AK5: variants seen among roughly 807,000 people sequenced by gnomAD.
AK5 encodes adenylate kinase 5.
In AK5, 27 loss-of-function variants were observed where a neutral mutation model predicts 69.5. The ratio of observed to expected loss-of-function variants is 0.39; its 90% CI spans 0.29 to 0.54. AK5 has a LOEUF of 0.54. Among genes scored for constraint, AK5 ranks in the 20% least tolerant of loss-of-function variants. The probability of loss-of-function intolerance (pLI) is 0.71; values close to 1 mark genes in which losing one functional copy is unlikely to be tolerated. For missense variants in AK5, 531 were observed against 700.4 expected (o/e 0.76, Z 2.73); for synonymous variants, 260 against 244.4 (o/e 1.06, Z -0.60).
chr1:77,486,314 T>A lies in AK5; in HGVS notation c.1109T>A (p.Met370Lys). 2.5e-6 allele frequency: 4 copies of A among 1,577,102 alleles called. No homozygotes were observed. Among genetic ancestry groups the A allele is most frequent in the Non-Finnish European group, 3.5e-6 (4 of 1,149,030 alleles). ...AGTTATTCTTATTTTAAAGGTTTCA[T>A]GGAAGATTTGAGAAAGTGTAAAATT... ...VFGEDTMGGFMEDLRKCKIIF... is the reference protein window; with the variant it reads ...VFGEDTMGGFKEDLRKCKIIF... Residue 370 changes from methionine to lysine, a missense_variant, in exon 10 of 14, where the codon ATG becomes AAG. By Grantham distance (95) the Met-to-Lys change is moderately conservative. Coordinates refer to ENST00000354567, the MANE Select transcript of AK5 (RefSeq NM_174858.3).
At chr1:77,502,407 C>T (rs1237929075) in intron 10 of AK5, among the ~76,000 whole-genome samples, 2 of 152,166 alleles carry the variant, frequency 1.3e-5, no homozygotes, top group African/African-American at 2.4e-5. Context: ...TTGCATTCAC[C>T]AGTTCCACTA....
At chr1:77,557,815 G>A (rs1182872732) in intron 13 of AK5, among the ~76,000 whole-genome samples, 2 of 152,104 alleles carry the variant, frequency 1.3e-5, no homozygotes, top group Non-Finnish European at 2.9e-5. Context: ...AGAAGTCTTA[G>A]CTTCACTGCA....
chr1:77,442,425 G>C (rs1001317073), intron 8 of AK5, among the ~76,000 whole-genome samples: 8 of 152,166 alleles, frequency 5.3e-5, no homozygotes, highest in African/African-American at 1.9e-4. Context: ...GGCTGCAGAG[G>C]ACCCCAGTGG....
At chr1:77,531,998 C>CCGGCCGGA (rs1324149151) in intron 12 of AK5, 1 of 139,150 alleles carries the variant, frequency 7.2e-6, no homozygotes, top group East Asian at 2.0e-4. Context: ...ATCCGGCCGG[C>CCGGCCGGA]CGGCCGGCCG....
At chr1:77,350,531 G>A (rs1662137725) in intron 6 of AK5, among the ~76,000 whole-genome samples, 1 of 152,226 alleles carries the variant, frequency 6.6e-6, no homozygotes, top group Non-Finnish European at 1.5e-5. Context: ...GTAGCTGTGT[G>A]TGAAACAGTG....
chr1:77,410,303 A>C (rs1035861792), intron 6 of AK5, among the ~76,000 whole-genome samples: 5 of 151,906 alleles, frequency 3.3e-5, no homozygotes, highest in African/African-American at 1.2e-4. Flanking sequence ...TTGGAGACAG[A>C]GTCTCAGTCT....
chr1:77,365,849 T>C (rs948353562), intron 6 of AK5, among the ~76,000 whole-genome samples: 1 of 151,960 alleles, frequency 6.6e-6, no homozygotes, highest in Non-Finnish European at 1.5e-5. Context: ...CTTTTATCTC[T>C]TTTGTAATTC....
intron 5 of AK5, among the ~76,000 whole-genome samples, chr1:77,339,388 A>G (rs1661531382): frequency 6.6e-6 from 1 of 152,212 alleles, no homozygotes; most frequent in African/African-American, 2.4e-5. Flanking sequence ...GTTAAATAGA[A>G]ACTTTTTACT....
chr1:77,550,039 T>G (rs1016017698), intron 13 of AK5, among the ~76,000 whole-genome samples: 1 of 152,134 alleles, frequency 6.6e-6, no homozygotes, highest in African/African-American at 2.4e-5. Flanking sequence ...CAGCTCATTT[T>G]AGCCTTGAAC....
At chr1:77,502,661 T>C (rs957536541) in intron 10 of AK5, among the ~76,000 whole-genome samples, 6 of 152,222 alleles carry the variant, frequency 3.9e-5, no homozygotes, top group African/African-American at 1.4e-4. Flanking sequence ...GGTAGGACCA[T>C]GCTCACCAAA....
intron 8 of AK5, among the ~76,000 whole-genome samples, chr1:77,470,227 G>A (rs1042678291): frequency 2.0e-5 from 3 of 152,150 alleles, no homozygotes; most frequent in African/African-American, 4.8e-5. Context: ...ATCCCTGGCC[G>A]GGCGCAGTGG....
At chr1:77,450,514 C>A (rs1653077524) in intron 8 of AK5, among the ~76,000 whole-genome samples, 1 of 150,868 alleles carries the variant, frequency 6.6e-6, no homozygotes, top group African/African-American at 2.4e-5. Flanking sequence ...TATCCTGTGC[C>A]AAGAGTTCTC....
chr1:77,326,055 T>C (rs1660787896), intron 5 of AK5, among the ~76,000 whole-genome samples: 1 of 152,202 alleles, frequency 6.6e-6, no homozygotes, highest in African/African-American at 2.4e-5. Context: ...ACTAAAGATA[T>C]ATTATCAAAT....
At chr1:77,333,945 T>C (rs1661217902) in intron 5 of AK5, among the ~76,000 whole-genome samples, 1 of 152,246 alleles carries the variant, frequency 6.6e-6, no homozygotes. Context: ...TCATGATTTA[T>C]GTACTGTCTT....
At position 77,344,292 on chromosome 1, in the gene AK5, A is replaced by G. The variant is rs1661803135; in HGVS notation, c.891+3724A>G. ...TGTCCATATGCAGTCATGTGTGCAA[A>G]TATGAATGAAAATAATATGAAATCA... On this transcript the variant is annotated intron_variant, in intron 6 of 13. Coordinates refer to ENST00000354567, the MANE Select transcript of AK5 (RefSeq NM_174858.3). Among the ~76,000 whole-genome samples the G allele has an allele frequency of 2.0e-5, 3 of 152,234 alleles. No homozygotes were observed. In the South Asian group the frequency reaches 6.2e-4, roughly 32 times the overall value.
chr1:77,510,941 A>T (rs1398085838), intron 10 of AK5, among the ~76,000 whole-genome samples: 1 of 150,288 alleles, frequency 6.7e-6, no homozygotes, highest in East Asian at 1.9e-4. Context: ...TATATTTTAT[A>T]TGTATATAAT....
intron 10 of AK5, among the ~76,000 whole-genome samples, chr1:77,510,215 C>A (rs1366782740): frequency 6.6e-6 from 1 of 152,144 alleles, no homozygotes; most frequent in Non-Finnish European, 1.5e-5. Flanking sequence ...GGATGCCAGC[C>A]TAAGTGAAGT....
intron 13 of AK5, among the ~76,000 whole-genome samples, chr1:77,552,896 T>G (rs1300844232): frequency 6.6e-6 from 1 of 152,042 alleles, no homozygotes; most frequent in East Asian, 1.9e-4. Context: ...AAAAATTAGC[T>G]GGGCATGGGG....
intron 13 of AK5, among the ~76,000 whole-genome samples, chr1:77,552,669 A>T (rs1172058641): frequency 1.3e-5 from 2 of 152,250 alleles, no homozygotes; most frequent in Non-Finnish European, 2.9e-5. Flanking sequence ...AACCCAATTT[A>T]TGTGAGTGTA....
Sources: allele counts gnomAD v4.1 joint callset (sites outside exome capture counted in the v4.1 genomes callset), GRCh38; gene constraint gnomAD v4.1.1; transcripts MANE v1.5; gene names NCBI Gene and HGNC (gene_info 2026-07-23, HGNC 2026-07-21).